The following OLFM2 variants were observed in gnomAD, a reference collection of about 807,000 sequenced individuals.
OLFM2 encodes the protein olfactomedin 2, also known as noelin-2.
A neutral mutation model predicts 43.9 loss-of-function variants in OLFM2; 20 were observed. The observed-to-expected ratio is 0.46, with a 90% confidence interval of 0.32 to 0.66. OLFM2 has a LOEUF of 0.66. Among genes scored for constraint, OLFM2 ranks in the 30% least tolerant of loss-of-function variants. The pLI, the probability that OLFM2 is intolerant of heterozygous loss-of-function variation, is 0.04. For synonymous variants in OLFM2, 268 were observed against 278.6 expected (o/e 0.96, Z 0.38); for missense variants, 416 against 643.6 (o/e 0.65, Z 3.83).
At chr19:9,906,959 G>C (rs1327963656) in intron 1 of OLFM2, among the ~76,000 whole-genome samples, 1 of 152,160 alleles carries the variant, frequency 6.6e-6, no homozygotes, top group Non-Finnish European at 1.5e-5. Context: ...CTTGGAGCCA[G>C]TACTGGGCCT....
At chr19:9,863,453 T>G (rs780886692) in intron 1 of OLFM2, among the ~76,000 whole-genome samples, 28 of 151,860 alleles carry the variant, frequency 1.8e-4, no homozygotes, top group Non-Finnish European at 7.4e-5. Context: ...ACTGCACAGA[T>G]CCAGACAGGT....
chr19:9,880,948 A>G (rs2046534829), intron 1 of OLFM2, among the ~76,000 whole-genome samples: 1 of 152,112 alleles, frequency 6.6e-6, no homozygotes, highest in Non-Finnish European at 1.5e-5. Context: ...CCCAGGCTGG[A>G]GTGCAGTGAC....
At position 9,857,017 on chromosome 19, in the gene OLFM2, G is replaced by A. The variant is rs2046324531; in HGVS notation, c.581-104C>T. ...ATCAAGTTGGGAAAGCTGGGACCAG[G>A]GATGAGGGAAGACTCAAAAATCTGG... On this transcript the variant is annotated intron_variant, in intron 4 of 5. Transcript: ENST00000264833. The surrounding 1 kb of genome is among the most constrained non-coding windows in gnomAD (Gnocchi z 5.7). 2 of 1,041,986 alleles carry A rather than the reference G, an allele frequency of 1.9e-6. No homozygotes were observed. The highest frequency in any genetic ancestry group is 1.6e-5 in the African/African-American group (1 of 63,210). 64.5% of individuals were successfully genotyped at this position (1,041,986 alleles called of 1,614,324 possible).
chr19:9,915,802 A>G (rs1024695747), intron 1 of OLFM2, among the ~76,000 whole-genome samples: 2 of 152,100 alleles, frequency 1.3e-5, no homozygotes, highest in Admixed American at 1.3e-4. Flanking sequence ...AGAGGCGTGA[A>G]CCACCGCGCC....
intron 1 of OLFM2, among the ~76,000 whole-genome samples, chr19:9,914,972 C>T (rs2046863397): frequency 6.6e-6 from 1 of 151,958 alleles, no homozygotes; most frequent in South Asian, 2.1e-4. Flanking sequence ...CAAGCATGAG[C>T]GGGGAGGGGG....
rs184575149 is a variant in OLFM2 at position 9,895,553 on chromosome 19, G to C, written c.64-34759C>G. ...GACAAAACATTTAAATAAAAATAAA[G>C]TCTATTCGGTCTACCTCAATCTACC... is the stretch of plus-strand genomic sequence containing the variant. On this transcript the variant is annotated intron_variant, in intron 1 of 5. Transcript: ENST00000264833. Among the ~76,000 whole-genome samples, 22 of 152,066 alleles carry C rather than the reference G, an allele frequency of 1.4e-4. 1 individual carries two copies. The highest frequency in any genetic ancestry group is 3.4e-3 in the Middle Eastern group (1 of 294).
At chr19:9,874,267 T>C (rs551763637) in intron 1 of OLFM2, among the ~76,000 whole-genome samples, 79 of 152,162 alleles carry the variant, frequency 5.2e-4, no homozygotes, top group Middle Eastern at 3.4e-3. Flanking sequence ...GTCTTGTTTT[T>C]TCTGACCTTG....
At position 9,854,230 on chromosome 19, in the gene OLFM2, T is replaced by G; in HGVS notation, c.1321A>C (p.Asn441His). 6.2e-7 allele frequency: 1 copy of G among 1,613,962 alleles called. No homozygotes were observed. Among genetic ancestry groups the G allele is most frequent in the Non-Finnish European group, 8.5e-7 (1 of 1,179,992 alleles). Residue 441 changes from asparagine to histidine, a missense_variant, in exon 6 of 6, where the codon AAT (asparagine) becomes CAT (histidine). By Grantham distance (68) the Asn-to-His change is moderately conservative. Transcript: ENST00000264833. The surrounding 1 kb of genome is among the most constrained non-coding windows in gnomAD (Gnocchi z 9.5). ...TWNNGHQVLY[N>H]VTLFHVISTS... Reference sequence around the variant, plus strand: ...CTGATGACGTGAAACAGGGTGACATTGTAGAGCACCTGGTGGCCGTTGTTC... The same window carrying G: ...CTGATGACGTGAAACAGGGTGACATGGTAGAGCACCTGGTGGCCGTTGTTC...
At chr19:9,881,985 A>G (rs1166982861) in intron 1 of OLFM2, among the ~76,000 whole-genome samples, 1 of 152,042 alleles carries the variant, frequency 6.6e-6, no homozygotes, top group African/African-American at 2.4e-5. Context: ...TAATCCCAAC[A>G]CCGTGGGAGG....
intron 1 of OLFM2, among the ~76,000 whole-genome samples, chr19:9,903,548 A>G (rs1016038557): frequency 6.6e-6 from 1 of 152,184 alleles, no homozygotes; most frequent in African/African-American, 2.4e-5. Context: ...GCATCTGTAT[A>G]TATCTGTCAG....
chr19:9,888,939 G>A (rs139698064), intron 1 of OLFM2, among the ~76,000 whole-genome samples: 4,127 of 152,164 alleles, frequency 0.027, 185 homozygotes, highest in African/African-American at 0.094. Context: ...GGTGGCGGGT[G>A]CCTGTAGTCC....
At chr19:9,860,856 G>T in intron 1 of OLFM2, 62 bp from the exon 2 acceptor site, 2 of 1,510,784 alleles carry the variant, frequency 1.3e-6, no homozygotes, top group Non-Finnish European at 1.8e-6. Context: ...GCCCTCACTG[G>T]GACAGGAAGG....
At chr19:9,893,987 AG>A (rs1488494874) in intron 1 of OLFM2, among the ~76,000 whole-genome samples, 5 of 151,968 alleles carry the variant, frequency 3.3e-5, no homozygotes, top group African/African-American at 9.7e-5. Flanking sequence ...AGTTCAGGAG[AG>A]AGCATTCAAG....
chr19:9,872,690 T>C (rs1352734798), intron 1 of OLFM2, among the ~76,000 whole-genome samples: 1 of 152,094 alleles, frequency 6.6e-6, no homozygotes, highest in Non-Finnish European at 1.5e-5. Context: ...ATCCATTCAT[T>C]CACCTTTCCA....
At chr19:9,894,412 T>TAAAAAA (rs33990573) in intron 1 of OLFM2, among the ~76,000 whole-genome samples, 5 of 62,246 alleles carry the variant, frequency 8.0e-5, no homozygotes, top group African/African-American at 2.1e-4. Context: ...ATAATAATAA[T>TAAAAAA]AAATAAATAA....
chr19:9,859,962 T>G (rs2046354416), intron 2 of OLFM2, among the ~76,000 whole-genome samples: 1 of 151,634 alleles, frequency 6.6e-6, no homozygotes. Context: ...ACTAATATGG[T>G]GAAACCCCAT....
intron 1 of OLFM2, among the ~76,000 whole-genome samples, chr19:9,932,894 T>C (rs1037291711): frequency 2.6e-5 from 4 of 152,286 alleles, no homozygotes; most frequent in African/African-American, 9.6e-5. Flanking sequence ...CCTGGATGAA[T>C]GGACAATGCC....
At chr19:9,865,870 C>T (rs891034510) in intron 1 of OLFM2, among the ~76,000 whole-genome samples, 4 of 151,686 alleles carry the variant, frequency 2.6e-5, no homozygotes, top group African/African-American at 9.7e-5. Flanking sequence ...CCAAGCATCC[C>T]TGCCCCTCCT....
intron 1 of OLFM2, among the ~76,000 whole-genome samples, chr19:9,906,621 G>A (rs891142294): frequency 3.3e-5 from 5 of 152,052 alleles, no homozygotes; most frequent in East Asian, 3.9e-4. Context: ...AATACAAACC[G>A]AACTGCAGAG....
Sources: allele counts gnomAD v4.1 joint callset (sites outside exome capture counted in the v4.1 genomes callset), GRCh38; gene constraint gnomAD v4.1.1; non-coding constraint Gnocchi (gnomAD v3.1); transcripts MANE v1.5; gene names NCBI Gene and HGNC (gene_info 2026-07-23, HGNC 2026-07-21).